TACR2: variants seen among roughly 807,000 people sequenced by gnomAD.
The protein encoded by TACR2 is substance-K receptor.
TACR2 carries 24 observed loss-of-function variants against 28.9 expected under a neutral mutation model. That is an observed-to-expected ratio of 0.83 (90% CI 0.60 to 1.17). TACR2 has a LOEUF of 1.17. Among genes scored for constraint, TACR2 ranks in the 50% most tolerant of loss-of-function variants. TACR2 has a pLI of 0.00. For synonymous variants in TACR2, 222 were observed against 212.6 expected, an observed-to-expected ratio of 1.04 and a Z score of -0.38; for missense variants, 487 against 524.4, an observed-to-expected ratio of 0.93 and a Z score of 0.70.
Position 69,416,195 on chromosome 10 carries a change from C to T in TACR2, c.129G>A (p.Leu43=), listed in dbSNP as rs201071441. Residue 43 remains leucine (L), a synonymous_variant, in exon 1 of 5, where the codon CTG becomes CTA. Coordinates refer to ENST00000373306, the MANE Select transcript of TACR2 (RefSeq NM_001057.3). ...LALWATAYLA[L]VLVAVTGNAI... ...CATTACCCGTCACGGCCACCAGCACCAGGGCCAGGTAGGCTGTGGCCCACA... is the reference window on the plus strand; with the variant it reads ...CATTACCCGTCACGGCCACCAGCACTAGGGCCAGGTAGGCTGTGGCCCACA... The T allele has an allele frequency of 1.9e-6, 3 of 1,614,216 alleles. No individual in the cohort carries two copies. Among genetic ancestry groups the T allele is most frequent in the East Asian group, 2.2e-5 (1 of 44,888 alleles).
chr10:69,405,375 A>G (rs1005077896), intron 4 of TACR2, among the ~76,000 whole-genome samples: 9 of 146,744 alleles, frequency 6.1e-5, no homozygotes, highest in African/African-American at 2.5e-4. Context: ...TACTAAAAAA[A>G]CCAACCAACC....
rs962573488 is a variant in TACR2 at position 69,405,235 on chromosome 10, T to C, written c.939-151A>G. On this transcript the variant is annotated intron_variant, in intron 4 of 4. Transcript: ENST00000373306. Reference sequence around the variant, plus strand: ...CCATGGCTCAGGGGCTCTTGAGAGATGCCTTCGTGGGTGAGTTTGATTTTT... The same window carrying C: ...CCATGGCTCAGGGGCTCTTGAGAGACGCCTTCGTGGGTGAGTTTGATTTTT... 17 of 636,810 alleles carry C rather than the reference T, an allele frequency of 2.7e-5. No homozygotes were observed. In the South Asian group the frequency reaches 3.3e-4, roughly 13 times the overall value. The allele number at this position is 636,810 out of a possible 1,614,324, so 39.4% of individuals were successfully genotyped here. A position where few individuals can be genotyped will look rare whatever the true frequency, so the allele number is the denominator to read the frequency against.
At chr10:69,414,906 C>A (rs201609668) in intron 2 of TACR2, 39 bp downstream of exon 2, 7 of 1,581,142 alleles carry the variant, frequency 4.4e-6, no homozygotes, top group Non-Finnish European at 6.0e-6. Context: ...GACTCACACA[C>A]ACACACTGTT....
intron 3 of TACR2, 132 bp downstream of exon 3, chr10:69,408,784 GCCCCGT>G (rs1564580496): frequency 5.1e-6 from 1 of 195,384 alleles, no homozygotes; most frequent in African/African-American, 2.8e-5. Context: ...GCGGGGTCAG[GCCCCGT>G]CCCGCCCCCG....
intron 1 of TACR2, 73 bp from the exon 2 acceptor site, chr10:69,415,212 C>T: frequency 6.6e-7 from 1 of 1,504,918 alleles, no homozygotes; most frequent in Non-Finnish European, 9.0e-7. Flanking sequence ...GTCTCCCTCT[C>T]TCCCAACCCA....
rs748491570 is a variant in TACR2 at position 69,404,880 on chromosome 10, C to T, written c.1143G>A (p.Gly381=). ...GEAGRPQDGS[G]LWFGYGLLAP... is the part of the protein sequence containing the mutation. ...CAAGCAAACCATACCCAAACCATAG[C>T]CCTGATCCATCCTGGGGACGCCCCG... Residue 381 remains glycine, a synonymous_variant, in exon 5 of 5, where the codon GGG becomes GGA. Coordinates refer to ENST00000373306, the MANE Select transcript of TACR2 (RefSeq NM_001057.3). 3.1e-6 allele frequency: 5 copies of T among 1,611,320 alleles called. No homozygotes were observed. The highest frequency in any genetic ancestry group is 3.3e-5 in the Admixed American group (2 of 59,860).
chr10:69,406,354 C>T (rs974056146), intron 4 of TACR2, among the ~76,000 whole-genome samples: 25 of 152,198 alleles, frequency 1.6e-4, no homozygotes, highest in African/African-American at 6.0e-4. Flanking sequence ...CACCACCCCC[C>T]ACCTCTCCAG....
intron 2 of TACR2, chr10:69,409,399 A>T (rs1218523804): frequency 4.8e-6 from 1 of 208,562 alleles, no homozygotes; most frequent in Non-Finnish European, 9.5e-6. Context: ...GCAATTTAAA[A>T]TGCCATTAAG....
intron 2 of TACR2, among the ~76,000 whole-genome samples, chr10:69,411,508 G>A (rs1468344753): frequency 6.6e-6 from 1 of 152,070 alleles, no homozygotes; most frequent in Non-Finnish European, 1.5e-5. Flanking sequence ...AATTATTTAG[G>A]GGTCATGCAG....
In TACR2 at chr10:69,416,464, G is replaced by T. The variant is rs201094683; in HGVS notation, c.-141C>A. 2.3e-5 allele frequency: 27 copies of T among 1,180,572 alleles called. No homozygotes were observed. The South Asian group carries it at 4.1e-4, about 18-fold the overall frequency. 73.1% of individuals were successfully genotyped at this position (1,180,572 alleles called of 1,614,324 possible). On this transcript the variant is annotated 5_prime_UTR_variant, in exon 1 of 5. Transcript: ENST00000373306. ...CCAAGCGTGGTGGCACATCAGGAGA[G>T]CCTGGGGCCACTCCTAGGTCTCAGG...
At chr10:69,406,418 G>C (rs3793850) in intron 4 of TACR2, among the ~76,000 whole-genome samples, 2 of 152,128 alleles carry the variant, frequency 1.3e-5, no homozygotes, top group East Asian at 1.9e-4. Flanking sequence ...TCAGAATCAC[G>C]AGGCGTAGGG....
chr10:69,404,802 C>A lies in TACR2; in HGVS notation c.*24G>T, dbSNP rs200889575. 9 of 1,348,550 alleles carry A rather than the reference C, an allele frequency of 6.7e-6. No individual in the cohort carries two copies. The highest frequency in any genetic ancestry group is 9.1e-6 in the Non-Finnish European group (9 of 987,938). 83.5% of individuals were successfully genotyped at this position (1,348,550 alleles called of 1,614,324 possible). On this transcript the variant is annotated 3_prime_UTR_variant, in exon 5 of 5. Transcript: ENST00000373306. ...CCCAAACACCTCCCACTAACCCCTA[C>A]CTCCCAACACTGCCACATTGGGATC...
rs1564582664 is a variant in TACR2, at chr10:69,415,084, C to G, written c.448G>C (p.Ala150Pro). 2 of 1,613,400 alleles carry G rather than the reference C, an allele frequency of 1.2e-6. No individual in the cohort carries two copies. ...QPRLSAPSTK[A>P]VIAGIWLVAL... The stretch of plus-strand genomic sequence containing the variant: ...ACCAGCCAGATGCCAGCAATAACCG[C>G]CTTGGTGCTGGGAGCTGAAAGCCGA... The change falls in exon 2 of 5, where the codon GCG becomes CCG. Residue 150 changes from alanine (A) to proline (P), a missense_variant. Transcript: ENST00000373306.
intron 2 of TACR2, among the ~76,000 whole-genome samples, chr10:69,413,677 G>A (rs12246735): frequency 0.018 from 2,792 of 152,304 alleles, 90 homozygotes; most frequent in African/African-American, 0.064. Context: ...AGGTGCTCAG[G>A]ACAGATGGAG....
At chr10:69,406,189 C>A (rs1236292294) in intron 4 of TACR2, among the ~76,000 whole-genome samples, 1 of 152,208 alleles carries the variant, frequency 6.6e-6, no homozygotes, top group African/African-American at 2.4e-5. Context: ...AAAACATGAA[C>A]AAAGAGGTCC....
At chr10:69,408,897 T>C (rs113690919) in intron 3 of TACR2, 25 bp downstream of exon 3, 10 of 94,446 alleles carry the variant, frequency 1.1e-4, no homozygotes, top group East Asian at 5.7e-4. Flanking sequence ...CCCCGCCCCC[T>C]CCAGGCCCCC....
rs913231363 is a variant in TACR2 at position 69,415,127 on chromosome 10, G to C, written c.405C>G (p.Ile135Met). ...AAAGCCGAGGCTGGAAGGGGTGGAC[G>C]ATGGCCATGTACCTGTGAGCAGAGG... ...TAIAADRYMAIVHPFQPRLSA... is the reference protein window; with the variant it reads ...TAIAADRYMAMVHPFQPRLSA... Residue 135 changes from isoleucine (I) to methionine (M), a missense_variant, in exon 2 of 5, where the codon ATC becomes ATG. Coordinates refer to ENST00000373306, the MANE Select transcript of TACR2 (RefSeq NM_001057.3). 1 of 1,611,712 alleles carries C rather than the reference G, an allele frequency of 6.2e-7. No individual in the cohort carries two copies. The highest frequency in any genetic ancestry group is 8.5e-7 in the Non-Finnish European group (1 of 1,179,782).
intron 2 of TACR2, 115 bp downstream of exon 2, chr10:69,414,830 C>T: frequency 1.7e-6 from 2 of 1,144,076 alleles, no homozygotes; most frequent in Non-Finnish European, 2.5e-6. Flanking sequence ...ATGTGTACAC[C>T]CATGCATGCA....
Position 69,407,146 on chromosome 10 carries a change from G to T in TACR2, c.876C>A (p.Leu292=). 2 of 1,614,080 alleles carry T rather than the reference G, an allele frequency of 1.2e-6. No homozygotes were observed. The highest frequency in any genetic ancestry group is 4.5e-5 in the East Asian group (2 of 44,882). ...HKFIQQVYLA[L]FWLAMSSTMY... ...TGGTAGAGCTCATGGCCAACCAGAA[G>T]AGTGCCAGGTAGACTTGCTGGATGA... Residue 292 remains leucine (L), a synonymous_variant, in exon 4 of 5, where the codon CTC becomes CTA. Transcript: ENST00000373306.
Sources: allele counts gnomAD v4.1 joint callset (sites outside exome capture counted in the v4.1 genomes callset), GRCh38; gene constraint gnomAD v4.1.1; transcripts MANE v1.5; gene names NCBI Gene and HGNC (gene_info 2026-07-23, HGNC 2026-07-21).